The following GADL1 variants were observed in gnomAD, a reference collection of about 807,000 sequenced individuals.
GADL1 encodes the protein GAD like acidic amino acid decarboxylase 1.
Under a neutral mutation model 69.5 loss-of-function variants are expected in GADL1, and 71 were observed. The ratio of observed to expected loss-of-function variants is 1.02; its 90% CI spans 0.84 to 1.25. GADL1 has a LOEUF of 1.25. GADL1 is among the 50% of genes most tolerant of loss of function. The pLI is 0.00. For missense variants in GADL1, 737 were observed against 631.8 expected, an observed-to-expected ratio of 1.17 and a Z score of -1.79; for synonymous variants, 254 against 214.4, an observed-to-expected ratio of 1.18 and a Z score of -1.62.
At chr3:30,762,209 T>TG (rs1339587794) in intron 14 of GADL1, among the ~76,000 whole-genome samples, 4 of 152,126 alleles carry the variant, frequency 2.6e-5, no homozygotes, top group African/African-American at 9.7e-5. Flanking sequence ...AAGAGGGGCT[T>TG]GGGGTAGTGA....
chr3:30,752,269 C>T (rs1287964645), intron 14 of GADL1, among the ~76,000 whole-genome samples: 2 of 152,178 alleles, frequency 1.3e-5, no homozygotes, highest in Non-Finnish European at 2.9e-5. Context: ...AGCACTAGCA[C>T]AGGCTGGCAC....
chr3:30,736,762 C>T (rs1695547039), intron 14 of GADL1, among the ~76,000 whole-genome samples: 1 of 152,146 alleles, frequency 6.6e-6, no homozygotes, highest in Non-Finnish European at 1.5e-5. Context: ...AGTCAACTTA[C>T]ATTTTTCCTT....
chr3:30,785,728 T>C (rs1353993318), intron 13 of GADL1, among the ~76,000 whole-genome samples: 2 of 152,184 alleles, frequency 1.3e-5, no homozygotes. Context: ...CTAGGTTATT[T>C]TTACATTAGG....
At chr3:30,780,756 G>A (rs926546924) in intron 13 of GADL1, among the ~76,000 whole-genome samples, 1 of 152,126 alleles carries the variant, frequency 6.6e-6, no homozygotes, top group African/African-American at 2.4e-5. Context: ...AGAATGGAAT[G>A]GCTTCAGTGC....
chr3:30,791,853 C>G (rs1696927284), intron 12 of GADL1, among the ~76,000 whole-genome samples: 1 of 152,102 alleles, frequency 6.6e-6, no homozygotes, highest in Non-Finnish European at 1.5e-5. Flanking sequence ...GAATAAGTCT[C>G]TCAGGATCTG....
At chr3:30,883,552 T>G (rs1452417850) in intron 1 of GADL1, among the ~76,000 whole-genome samples, 1 of 152,004 alleles carries the variant, frequency 6.6e-6, no homozygotes, top group Non-Finnish European at 1.5e-5. Context: ...CCTGTAGCTT[T>G]GTAGTGTTTT....
At chr3:30,865,998 C>A (rs201898769) in intron 1 of GADL1, among the ~76,000 whole-genome samples, 1 of 115,404 alleles carries the variant, frequency 8.7e-6, no homozygotes, top group Non-Finnish European at 2.1e-5. Flanking sequence ...CCTTGATTAA[C>A]AAACAATTCA....
At chr3:30,730,945 C>T (rs6808769) in intron 14 of GADL1, among the ~76,000 whole-genome samples, 1,890 of 152,296 alleles carry the variant, frequency 0.012, 24 homozygotes, top group Non-Finnish European at 0.019. Context: ...TATTGTACTG[C>T]TTTTAAAATC....
chr3:30,882,687 GA>G (rs1007614405), intron 1 of GADL1, among the ~76,000 whole-genome samples: 12 of 151,916 alleles, frequency 7.9e-5, no homozygotes, highest in African/African-American at 2.9e-4. Flanking sequence ...CTCAGAAGTA[GA>G]ATTGCTGGAT....
chr3:30,861,962 G>T (rs1698327320), intron 1 of GADL1, among the ~76,000 whole-genome samples, 197 bp from the exon 2 acceptor site: 1 of 151,860 alleles, frequency 6.6e-6, no homozygotes, highest in South Asian at 2.1e-4. Flanking sequence ...TACAAAGAAA[G>T]CTCACAATTT....
chr3:30,747,734 C>T (rs1482366834), intron 14 of GADL1, among the ~76,000 whole-genome samples: 1 of 152,048 alleles, frequency 6.6e-6, no homozygotes, highest in Non-Finnish European at 1.5e-5. Context: ...ATGGTCAATC[C>T]ACTTCCTTTG....
At chr3:30,753,722 G>A (rs546667696) in intron 14 of GADL1, among the ~76,000 whole-genome samples, 3 of 151,814 alleles carry the variant, frequency 2.0e-5, no homozygotes, top group Non-Finnish European at 4.4e-5. Flanking sequence ...GTGGGCACAA[G>A]TACAATAAAT....
At chr3:30,814,894 G>T (rs1196467105) in intron 11 of GADL1, among the ~76,000 whole-genome samples, 1 of 151,878 alleles carries the variant, frequency 6.6e-6, no homozygotes, top group Admixed American at 6.6e-5. Flanking sequence ...AACCTGGGAG[G>T]CGGAGATTTC....
At chr3:30,836,800 AAG>A (rs1256087228) in intron 9 of GADL1, among the ~76,000 whole-genome samples, 170 of 152,208 alleles carry the variant, frequency 1.1e-3, no homozygotes, top group African/African-American at 3.9e-3. Flanking sequence ...TCTGATTTTG[AAG>A]AAGAGCTAGA....
intron 14 of GADL1, among the ~76,000 whole-genome samples, chr3:30,767,012 T>C (rs1027188921): frequency 6.6e-6 from 1 of 152,204 alleles, no homozygotes; most frequent in African/African-American, 2.4e-5. Flanking sequence ...TGAAAGCTAA[T>C]GTTTATCAAG....
chr3:30,834,823 A>AC (rs1697847958), intron 9 of GADL1, among the ~76,000 whole-genome samples: 1 of 152,144 alleles, frequency 6.6e-6, no homozygotes, highest in African/African-American at 2.4e-5. Context: ...AGCTTGGGAC[A>AC]AAAGGAAGTT....
intron 11 of GADL1, among the ~76,000 whole-genome samples, chr3:30,820,220 A>AT (rs1697547338): frequency 6.6e-6 from 1 of 151,990 alleles, no homozygotes; most frequent in Admixed American, 6.6e-5. Flanking sequence ...GAATTACCTT[A>AT]TTTGATAATA....
In GADL1 at chr3:30,886,492, G is replaced by C. The variant is rs143057795; in HGVS notation, c.37+8086C>G. On this transcript the variant is annotated intron_variant, in intron 1 of 14. Transcript: ENST00000282538. ...GACACAACAAGAGCAAACTTGGGCT[G>C]GTGAGAAGAGGACAGGGCAAGGCCA... 3.7e-4 allele frequency among the ~76,000 whole-genome samples: 57 copies of C among 152,224 alleles called. 1 individual carries two copies. The highest frequency in any genetic ancestry group is 1.2e-3 in the African/African-American group (51 of 41,558).
intron 2 of GADL1, among the ~76,000 whole-genome samples, chr3:30,860,858 T>C (rs942184944): frequency 6.6e-6 from 1 of 151,984 alleles, no homozygotes; most frequent in Non-Finnish European, 1.5e-5. Flanking sequence ...TGTATAATCT[T>C]GGGCAACATA....
Sources: allele counts gnomAD v4.1 joint callset (sites outside exome capture counted in the v4.1 genomes callset), GRCh38; gene constraint gnomAD v4.1.1; transcripts MANE v1.5; gene names NCBI Gene and HGNC (gene_info 2026-07-23, HGNC 2026-07-21).